DNAH6: variants seen among roughly 807,000 people sequenced by gnomAD.
DNAH6 encodes the protein axonemal beta dynein heavy chain 6.
DNAH6 carries 340 observed loss-of-function variants against 491.4 expected under a neutral mutation model. That is an observed-to-expected ratio of 0.69 (90% CI 0.63 to 0.76). The LOEUF (loss-of-function observed/expected upper bound fraction) is 0.76. Ranked by LOEUF, DNAH6 falls within the 30% of genes least tolerant of loss-of-function variation. The pLI is 0.00. For synonymous variants in DNAH6, 1,603 were observed against 1,686.1 expected (o/e 0.95, Z 1.21); for missense variants, 4,443 against 4,972.2 (o/e 0.89, Z 3.20).
At chr2:84,577,218 A>G (rs759719993) in intron 12 of DNAH6, 39 bp from the exon 13 acceptor site, 2 of 1,277,630 alleles carry the variant, frequency 1.6e-6, no homozygotes, top group South Asian at 1.6e-5. Flanking sequence ...AAAATCCAAT[A>G]TGGTATATTT....
At chr2:84,583,084 A>G (rs1683195647) in intron 14 of DNAH6, among the ~76,000 whole-genome samples, 1 of 152,220 alleles carries the variant, frequency 6.6e-6, no homozygotes, top group Admixed American at 6.5e-5. Context: ...ATCCCTTGCC[A>G]GAAAATTAGG....
chr2:84,556,704 G>A (rs1056777066), intron 10 of DNAH6, among the ~76,000 whole-genome samples: 2 of 152,104 alleles, frequency 1.3e-5, no homozygotes, highest in Admixed American at 1.3e-4. Context: ...TCTTGTTTTA[G>A]TGCATACTGA....
At chr2:84,500,077 T>C in the DNAH6 span, among the ~76,000 whole-genome samples, 2 of 152,206 alleles carry the variant, frequency 1.3e-5, no homozygotes, top group Admixed American at 1.3e-4. Context: ...CCTGCGCTTG[T>C]GGGGTATTGC....
intron 11 of DNAH6, among the ~76,000 whole-genome samples, chr2:84,565,894 T>C (rs568478880): frequency 1.3e-5 from 2 of 152,068 alleles, no homozygotes; most frequent in African/African-American, 2.4e-5. Flanking sequence ...CTCTATTTTA[T>C]CTGATATTAG....
the DNAH6 span, among the ~76,000 whole-genome samples, chr2:84,510,038 T>G: frequency 2.6e-5 from 4 of 152,240 alleles, no homozygotes; most frequent in Non-Finnish European, 4.4e-5. Context: ...TTGGTGAATC[T>G]GACAATTATA....
chr2:84,763,565 G>C (rs1367364537), intron 64 of DNAH6, among the ~76,000 whole-genome samples: 1 of 152,110 alleles, frequency 6.6e-6, no homozygotes, highest in South Asian at 2.1e-4. Context: ...TCAGATCCAC[G>C]AGGTAGCCTC....
intron 40 of DNAH6, among the ~76,000 whole-genome samples, chr2:84,674,906 G>A (rs924650067): frequency 1.2e-4 from 18 of 152,252 alleles, no homozygotes; most frequent in South Asian, 2.1e-4. Context: ...GCTCTGATCC[G>A]AGGGTCTTTT....
At chr2:84,583,138 A>G (rs1195887161) in intron 14 of DNAH6, among the ~76,000 whole-genome samples, 3 of 152,236 alleles carry the variant, frequency 2.0e-5, no homozygotes, top group Non-Finnish European at 4.4e-5. Context: ...AACCAAAGTG[A>G]AGATGTTTAG....
At chr2:84,744,687 A>G (rs1279768322) in intron 62 of DNAH6, among the ~76,000 whole-genome samples, 1 of 151,496 alleles carries the variant, frequency 6.6e-6, no homozygotes, top group Non-Finnish European at 1.5e-5. Context: ...TTATGTTTTT[A>G]TTATGGATTT....
At position 84,697,575 on chromosome 2, in the gene DNAH6, A is replaced by T. The variant is rs1695509938; in HGVS notation, c.7525A>T (p.Ile2509Phe). The T allele has an allele frequency of 6.4e-7, 1 of 1,550,566 alleles. No homozygotes were observed. The change falls in exon 47 of 77, where the codon ATT becomes TTT. Residue 2509 changes from isoleucine to phenylalanine, a missense_variant and splice_region_variant. Coordinates refer to ENST00000389394, the MANE Select transcript of DNAH6 (RefSeq NM_001370.2). ...TAATGATCACTGCTTTCTTCTACAGATTGTAGTGGAGGAGTTCCTAGAAGA... is the reference window on the plus strand; with the variant it reads ...TAATGATCACTGCTTTCTTCTACAGTTTGTAGTGGAGGAGTTCCTAGAAGA... ...NMVFLFTDTQ[I>F]VVEEFLEDIN...
At chr2:84,715,750 CAAA>C in intron 58 of DNAH6, 123 bp downstream of exon 58, 1 of 866,410 alleles carries the variant, frequency 1.2e-6, no homozygotes. Context: ...AACCCTTAAT[CAAA>C]AAAAAATACA....
intron 70 of DNAH6, among the ~76,000 whole-genome samples, chr2:84,805,150 T>C (rs1423886334): frequency 2.0e-5 from 3 of 152,220 alleles, no homozygotes; most frequent in South Asian, 2.1e-4. Flanking sequence ...TACATTTACA[T>C]TGTTGCTCAA....
intron 46 of DNAH6, among the ~76,000 whole-genome samples, chr2:84,695,239 A>G (rs180883893): frequency 1.5e-4 from 23 of 152,276 alleles, no homozygotes; most frequent in African/African-American, 4.1e-4. Flanking sequence ...CCAGAAAACA[A>G]AGGGCTTTAA....
At chr2:84,763,822 A>T (rs1429557022) in intron 64 of DNAH6, among the ~76,000 whole-genome samples, 1 of 151,174 alleles carries the variant, frequency 6.6e-6, no homozygotes, top group East Asian at 2.0e-4. Context: ...GCTGATGTGT[A>T]GTTCCAGTCT....
chr2:84,672,768 C>T (rs766774236), intron 40 of DNAH6, among the ~76,000 whole-genome samples: 90 of 152,260 alleles, frequency 5.9e-4, no homozygotes, highest in Admixed American at 6.5e-4. Context: ...TGGATTAGGG[C>T]TTACCCTAAT....
At chr2:84,536,792 T>G (rs1399669045) in intron 4 of DNAH6, among the ~76,000 whole-genome samples, 1 of 152,052 alleles carries the variant, frequency 6.6e-6, no homozygotes, top group Non-Finnish European at 1.5e-5. Context: ...ATTCATCATG[T>G]CTTGATTAGA....
intron 51 of DNAH6, among the ~76,000 whole-genome samples, 164 bp from the exon 52 acceptor site, chr2:84,705,322 G>A (rs1016477423): frequency 6.6e-6 from 1 of 152,132 alleles, no homozygotes; most frequent in African/African-American, 2.4e-5. Flanking sequence ...TTCGCCCCCT[G>A]AATTAATTGT....
intron 61 of DNAH6, among the ~76,000 whole-genome samples, chr2:84,731,315 T>A (rs1412725327): frequency 6.6e-6 from 1 of 152,232 alleles, no homozygotes; most frequent in African/African-American, 2.4e-5. Flanking sequence ...TACCTACTGC[T>A]GAAGATAAGT....
the DNAH6 span, among the ~76,000 whole-genome samples, chr2:84,471,551 T>C: frequency 1.3e-5 from 2 of 152,156 alleles, no homozygotes; most frequent in African/African-American, 4.8e-5. Flanking sequence ...CAGAAAGCAT[T>C]GGTCCATTAA....
Sources: gnomAD v4.1 joint callset for allele counts (sites outside exome capture counted in the v4.1 genomes callset) on GRCh38, gnomAD v4.1.1 for gene constraint, MANE v1.5 for transcripts, NCBI Gene and HGNC (gene_info 2026-07-23, HGNC 2026-07-21) for gene names.